Variants in KLF12 observed in about 807,000 individuals in gnomAD.
KLF12 encodes KLF transcription factor 12, also known as Krueppel-like factor 12.
In KLF12, 9 loss-of-function variants were observed where a neutral mutation model predicts 37.8. That is an observed-to-expected ratio of 0.24 (90% CI 0.14 to 0.42). The LOEUF is 0.42. KLF12 is among the 10% of genes least tolerant of loss of function. The pLI is 1.00. For synonymous variants in KLF12, 208 were observed against 202.1 expected, an observed-to-expected ratio of 1.03 and a Z score of -0.25; for missense variants, 411 against 516.0, an observed-to-expected ratio of 0.80 and a Z score of 1.97.
chr13:73,992,663 A>C (rs1316145673), intron 2 of KLF12, among the ~76,000 whole-genome samples: 1 of 152,200 alleles, frequency 6.6e-6, no homozygotes. Flanking sequence ...AAACGTACAA[A>C]ACAGTTGTAA....
At chr13:74,199,858 T>C in the KLF12 span, among the ~76,000 whole-genome samples, 27 of 152,258 alleles carry the variant, frequency 1.8e-4, no homozygotes, top group East Asian at 4.4e-3. Flanking sequence ...CCCTGAACTC[T>C]ACACAGAGAC....
intron 5 of KLF12, among the ~76,000 whole-genome samples, chr13:73,787,670 G>C (rs1566368103): frequency 6.6e-6 from 1 of 152,162 alleles, no homozygotes; most frequent in Admixed American, 6.5e-5. Flanking sequence ...GAAGTTTGGG[G>C]ATTGGAACTC....
chr13:73,859,485 T>C (rs549175086), intron 3 of KLF12, among the ~76,000 whole-genome samples: 1 of 152,124 alleles, frequency 6.6e-6, no homozygotes, highest in African/African-American at 2.4e-5. Context: ...AATTTCCTCA[T>C]GGAATTCATG....
chr13:74,155,374 TTTTC>T, the KLF12 span, among the ~76,000 whole-genome samples: 3 of 152,030 alleles, frequency 2.0e-5, no homozygotes, highest in Non-Finnish European at 2.9e-5. Flanking sequence ...TTTTTGTTTT[TTTTC>T]TAGACAGGGT....
At chr13:73,837,760 G>A (rs918808915) in intron 4 of KLF12, among the ~76,000 whole-genome samples, 9 of 152,122 alleles carry the variant, frequency 5.9e-5, no homozygotes, top group Non-Finnish European at 1.2e-4. Context: ...CTAGTTTGTC[G>A]ATAAAAATCA....
chr13:74,041,691 T>TAC (rs59315484), intron 1 of KLF12, among the ~76,000 whole-genome samples: 26,653 of 142,092 alleles, frequency 0.19, 2,513 homozygotes, highest in South Asian at 0.26. Context: ...ATCGCTGATT[T>TAC]ACACACACAC....
intron 1 of KLF12, among the ~76,000 whole-genome samples, chr13:74,041,544 G>A (rs1434873572): frequency 1.3e-5 from 2 of 152,114 alleles, no homozygotes; most frequent in African/African-American, 2.4e-5. Context: ...TGATAAGTGG[G>A]AGGATGGGGG....
At chr13:74,115,104 C>T (rs1470840090) in intron 1 of KLF12, among the ~76,000 whole-genome samples, 1 of 152,176 alleles carries the variant, frequency 6.6e-6, no homozygotes, top group Non-Finnish European at 1.5e-5. Flanking sequence ...TGTTCTAAAT[C>T]CTCCAAATTA....
intron 6 of KLF12, among the ~76,000 whole-genome samples, chr13:73,747,706 G>T (rs1878468475): frequency 6.6e-6 from 1 of 152,018 alleles, no homozygotes; most frequent in Non-Finnish European, 1.5e-5. Flanking sequence ...CATGAAACAG[G>T]TATTATTAGC....
chr13:74,141,801 C>G, the KLF12 span, among the ~76,000 whole-genome samples: 1 of 152,110 alleles, frequency 6.6e-6, no homozygotes, highest in African/African-American at 2.4e-5. Flanking sequence ...TTCCTGGAGA[C>G]CAAACACAGG....
chr13:73,824,793 C>T (rs897462024), intron 4 of KLF12, among the ~76,000 whole-genome samples: 2 of 151,990 alleles, frequency 1.3e-5, no homozygotes, highest in East Asian at 1.9e-4. Context: ...TCAGGCTGGG[C>T]GCGGTGGCTC....
chr13:74,029,734 C>G (rs868860858), intron 1 of KLF12, among the ~76,000 whole-genome samples: 1 of 151,990 alleles, frequency 6.6e-6, no homozygotes, highest in Non-Finnish European at 1.5e-5. Context: ...GCATAAATAA[C>G]ACCTAAGGAC....
chr13:74,287,681 C>A, the KLF12 span, among the ~76,000 whole-genome samples: 1 of 152,050 alleles, frequency 6.6e-6, no homozygotes, highest in East Asian at 1.9e-4. Flanking sequence ...GCAATTACAC[C>A]CCTGCTTCGG....
At chr13:74,080,096 G>A (rs1248808371) in intron 1 of KLF12, among the ~76,000 whole-genome samples, 1 of 152,132 alleles carries the variant, frequency 6.6e-6, no homozygotes, top group African/African-American at 2.4e-5. Context: ...AAGACATTAT[G>A]CTAAGTGAAA....
At chr13:74,185,761 C>G in the KLF12 span, among the ~76,000 whole-genome samples, 1 of 152,236 alleles carries the variant, frequency 6.6e-6, no homozygotes, top group South Asian at 2.1e-4. Flanking sequence ...ATTCTCCTGC[C>G]TCAGCCTCCC....
At chr13:74,085,944 A>G (rs1875261303) in intron 1 of KLF12, among the ~76,000 whole-genome samples, 1 of 152,074 alleles carries the variant, frequency 6.6e-6, no homozygotes, top group Non-Finnish European at 1.5e-5. Context: ...GAAAAACTGC[A>G]GTAAATTTTA....
At chr13:74,052,876 C>G (rs1214810880) in intron 1 of KLF12, among the ~76,000 whole-genome samples, 1 of 152,084 alleles carries the variant, frequency 6.6e-6, no homozygotes, top group African/African-American at 2.4e-5. Flanking sequence ...TACTCCACTC[C>G]CTGGCTAGTA....
chr13:74,185,751 A>G, the KLF12 span, among the ~76,000 whole-genome samples: 1 of 152,000 alleles, frequency 6.6e-6, no homozygotes, highest in African/African-American at 2.4e-5. Flanking sequence ...GGTTCAAGCA[A>G]TTCTCCTGCC....
intron 2 of KLF12, among the ~76,000 whole-genome samples, chr13:73,971,102 A>G (rs1460376172): frequency 6.6e-6 from 1 of 152,224 alleles, no homozygotes; most frequent in African/African-American, 2.4e-5. Context: ...CGAACCTGGC[A>G]AGGGACAAAA....
Sources: allele counts gnomAD v4.1 joint callset (sites outside exome capture counted in the v4.1 genomes callset), GRCh38; gene constraint gnomAD v4.1.1; transcripts MANE v1.5; gene names NCBI Gene and HGNC (gene_info 2026-07-23, HGNC 2026-07-21).